CPEB1: variants seen among roughly 807,000 people sequenced by gnomAD.
The protein encoded by CPEB1 is cytoplasmic polyadenylation element binding protein 1.
CPEB1 carries 7 observed loss-of-function variants against 65.8 expected under a neutral mutation model. The observed-to-expected ratio is 0.11, with a 90% confidence interval of 0.06 to 0.20. The LOEUF (loss-of-function observed/expected upper bound fraction) is 0.20. Among genes scored for constraint, CPEB1 ranks in the 10% least tolerant of loss-of-function variants. The probability of loss-of-function intolerance (pLI) is 1.00; values close to 1 mark genes in which losing one functional copy is unlikely to be tolerated. For missense variants in CPEB1, 551 were observed against 712.2 expected, an observed-to-expected ratio of 0.77 and a Z score of 2.58; for synonymous variants, 262 against 260.0, an observed-to-expected ratio of 1.01 and a Z score of -0.08.
intron 4 of CPEB1, among the ~76,000 whole-genome samples, chr15:82,564,633 G>T (rs1365859405): frequency 6.6e-6 from 1 of 152,112 alleles, no homozygotes; most frequent in Admixed American, 6.5e-5. Flanking sequence ...ACAGATTTAG[G>T]GGAATAAACC....
At chr15:82,617,724 GTTTTTTTTTTTT>G (rs35267620) in intron 3 of CPEB1, among the ~76,000 whole-genome samples, 22 of 83,862 alleles carry the variant, frequency 2.6e-4, no homozygotes, top group South Asian at 4.9e-4. Context: ...TTCTATTAAA[GTTTTTTTTTTTT>G]TTTTTTTTTT....
At chr15:82,617,260 G>A (rs2044803303) in intron 3 of CPEB1, among the ~76,000 whole-genome samples, 1 of 152,172 alleles carries the variant, frequency 6.6e-6, no homozygotes, top group Non-Finnish European at 1.5e-5. Flanking sequence ...CTTTACTGCT[G>A]AGCAGTACTC....
At chr15:82,591,869 G>A (rs1415890089) in intron 3 of CPEB1, among the ~76,000 whole-genome samples, 1 of 146,428 alleles carries the variant, frequency 6.8e-6, no homozygotes, top group East Asian at 2.0e-4. Context: ...TTAAGACAGG[G>A]TCTTAATCTG....
chr15:82,571,158 C>T (rs926274429), intron 4 of CPEB1, among the ~76,000 whole-genome samples, 186 bp downstream of exon 4: 10 of 152,194 alleles, frequency 6.6e-5, no homozygotes, highest in African/African-American at 1.7e-4. Context: ...CCTGCCTTTA[C>T]GTGGAGCCAT....
intron 3 of CPEB1, among the ~76,000 whole-genome samples, chr15:82,618,162 A>G (rs2044937409): frequency 1.3e-5 from 2 of 152,000 alleles, no homozygotes; most frequent in Admixed American, 6.6e-5. Context: ...GGAACCTGCC[A>G]AACTGTTTTC....
At chr15:82,647,675 C>T (rs2047693052), upstream of CPEB1, 3 of 408,464 alleles carry the variant, frequency 7.3e-6, no homozygotes, top group Non-Finnish European at 1.2e-5. Context: ...CCCTGCCCCC[C>T]TCGCCCTCCA....
intron 3 of CPEB1, among the ~76,000 whole-genome samples, chr15:82,618,345 C>G (rs1452016812): frequency 6.6e-6 from 1 of 152,170 alleles, no homozygotes; most frequent in East Asian, 1.9e-4. Context: ...CATAAATACA[C>G]ATATGTATAT....
intron 3 of CPEB1, chr15:82,571,902 C>T: frequency 9.9e-7 from 1 of 1,010,294 alleles, no homozygotes; most frequent in Non-Finnish European, 1.2e-6. Flanking sequence ...GGAGACTTGC[C>T]TCCCAGGGAA....
chr15:82,546,591 G>A, intron 11 of CPEB1, 70 bp from the exon 12 acceptor site: 1 of 1,149,526 alleles, frequency 8.7e-7, no homozygotes, highest in Non-Finnish European at 1.3e-6. Context: ...GATAGAAGAA[G>A]GGCACATTAT....
chr15:82,629,841 C>T, intron 1 of CPEB1: 2 of 985,422 alleles, frequency 2.0e-6, no homozygotes, highest in Non-Finnish European at 2.4e-6. Context: ...AGAGCATTTA[C>T]AGTTTTACCA....
intron 3 of CPEB1, among the ~76,000 whole-genome samples, chr15:82,594,354 T>C (rs2042507264): frequency 8.5e-6 from 1 of 118,170 alleles, no homozygotes. Context: ...TTAAACCTCA[T>C]GAACCAAAAA....
At chr15:82,557,007 C>T (rs2037325796) in intron 5 of CPEB1, among the ~76,000 whole-genome samples, 1 of 152,162 alleles carries the variant, frequency 6.6e-6, no homozygotes, top group South Asian at 2.1e-4. Context: ...AACAAAAATG[C>T]TTATAAGGCA....
At chr15:82,598,457 C>T (rs192729714) in intron 3 of CPEB1, among the ~76,000 whole-genome samples, 1 of 152,020 alleles carries the variant, frequency 6.6e-6, no homozygotes, top group African/African-American at 2.4e-5. Flanking sequence ...TTGCACCACT[C>T]CAGCCTGAGT....
chr15:82,594,688 G>A (rs897692017), intron 3 of CPEB1, among the ~76,000 whole-genome samples: 69 of 152,066 alleles, frequency 4.5e-4, no homozygotes, highest in African/African-American at 1.6e-3. Context: ...CCTAACTTTC[G>A]GCCTACCACA....
chr15:82,602,281 T>C (rs866651544), intron 3 of CPEB1, among the ~76,000 whole-genome samples: 1 of 152,142 alleles, frequency 6.6e-6, no homozygotes, highest in African/African-American at 2.4e-5. Context: ...CAATGGAAAT[T>C]AGAAAATAGT....
intron 3 of CPEB1, among the ~76,000 whole-genome samples, chr15:82,616,537 A>ATTT (rs35713948): frequency 5.1e-5 from 7 of 137,628 alleles, no homozygotes; most frequent in Non-Finnish European, 7.8e-5. Context: ...CTCTTTTTAA[A>ATTT]TTTTTTTTTT....
chr15:82,621,311 A>G (rs2045276317), intron 3 of CPEB1, among the ~76,000 whole-genome samples: 1 of 104,706 alleles, frequency 9.6e-6, no homozygotes, highest in Admixed American at 9.8e-5. Flanking sequence ...CAGTGACACC[A>G]TGTCTCTTAA....
At chr15:82,641,237 A>AAAAAAC (rs1262334580) in intron 1 of CPEB1, among the ~76,000 whole-genome samples, 19 of 152,280 alleles carry the variant, frequency 1.2e-4, no homozygotes, top group African/African-American at 3.6e-4. Flanking sequence ...CAGCTTTAAA[A>AAAAAAC]AAAAACAAAA....
At chr15:82,633,844 C>T (rs2046448479) in intron 1 of CPEB1, among the ~76,000 whole-genome samples, 1 of 152,148 alleles carries the variant, frequency 6.6e-6, no homozygotes, top group Admixed American at 6.5e-5. Flanking sequence ...GGAAAATCCT[C>T]CTCCTCCTCC....
Sources: allele counts gnomAD v4.1 joint callset (sites outside exome capture counted in the v4.1 genomes callset), GRCh38; gene constraint gnomAD v4.1.1; transcripts MANE v1.5; gene names NCBI Gene and HGNC (gene_info 2026-07-23, HGNC 2026-07-21).